Variants in CATSPERD observed in about 807,000 individuals in gnomAD.
The protein encoded by CATSPERD is cation channel sperm-associated auxiliary subunit delta.
A neutral mutation model predicts 98.1 loss-of-function variants in CATSPERD; 86 were observed. The ratio of observed to expected loss-of-function variants is 0.88; its 90% CI spans 0.74 to 1.05. CATSPERD has a LOEUF of 1.05. Among genes scored for constraint, CATSPERD ranks in the 50% least tolerant of loss-of-function variants. CATSPERD has a pLI of 0.00. For missense variants in CATSPERD, 995 were observed against 1,005.7 expected (o/e 0.99, Z 0.14); for synonymous variants, 394 against 390.2 (o/e 1.01, Z -0.12).
rs200693079 is a variant in CATSPERD at position 5,751,650 on chromosome 19, G to A, written c.991G>A (p.Ala331Thr). 13 of 1,531,914 alleles carry A rather than the reference G, an allele frequency of 8.5e-6. No individual in the cohort carries two copies. The highest frequency in any genetic ancestry group is 1.1e-5 in the Non-Finnish European group (13 of 1,133,780). 94.9% of individuals were successfully genotyped at this position (1,531,914 alleles called of 1,614,324 possible). The part of the protein sequence containing the change: ...GIVPSSIIKF[A>T]DQYIWSEDVA... ...TCAGGAATCATTTTCTTCTTAGTTT[G>A]CAGACCAATACATCTGGTCAGAAGA... is the stretch of plus-strand genomic sequence containing the variant. The change falls in exon 12 of 22, where the codon GCA becomes ACA. Residue 331 changes from alanine to threonine, a missense_variant. By Grantham distance (58) the Ala-to-Thr change is moderately conservative. Transcript: ENST00000381624.
intron 17 of CATSPERD, among the ~76,000 whole-genome samples, chr19:5,766,846 C>A (rs1425587999): frequency 6.6e-6 from 1 of 151,558 alleles, no homozygotes; most frequent in African/African-American, 2.4e-5. Context: ...GCGCCCGCTA[C>A]CATGCCTGGC....
At position 5,720,700 on chromosome 19, in the gene CATSPERD, C is replaced by T; in HGVS notation, c.-38C>T. On this transcript the variant is annotated 5_prime_UTR_variant, in exon 1 of 22. Coordinates refer to ENST00000381624, the MANE Select transcript of CATSPERD (RefSeq NM_152784.4). ...CGGATTGTGCAGCGACTCCCCGTGG[C>T]GGTTGAGGGGCAGTGGTGGCGGCGG... 1 of 1,591,692 alleles carries T rather than the reference C, an allele frequency of 6.3e-7. No individual in the cohort carries two copies. The highest frequency in any genetic ancestry group is 8.6e-7 in the Non-Finnish European group (1 of 1,169,484).
rs2056313741 is a variant in CATSPERD at position 5,755,780 on chromosome 19, T to G, written c.1278+1535T>G. Among the ~76,000 whole-genome samples, 5 of 147,330 alleles carry G rather than the reference T, an allele frequency of 3.4e-5. No homozygotes were observed. The East Asian group carries it at 1.0e-3, about 30-fold the overall frequency. On this transcript the variant is annotated intron_variant, in intron 13 of 21. Transcript: ENST00000381624. ...AAGAGCGAGACTCTGTCTCAATAAA[T>G]AAATAAATAAATAAATAAAAATAAA...
chr19:5,722,472 A>G (rs968609175), intron 1 of CATSPERD, among the ~76,000 whole-genome samples: 2 of 152,160 alleles, frequency 1.3e-5, no homozygotes, highest in Admixed American at 6.6e-5. Flanking sequence ...TTAAAGACAC[A>G]CTTGCCTAAC....
At chr19:5,723,343 G>A (rs1207254025) in intron 1 of CATSPERD, among the ~76,000 whole-genome samples, 2 of 150,468 alleles carry the variant, frequency 1.3e-5, no homozygotes, top group African/African-American at 4.9e-5. Context: ...AGTGCAGTGT[G>A]GCAAGAGCTC....
At chr19:5,742,434 A>C (rs1019901308) in intron 7 of CATSPERD, among the ~76,000 whole-genome samples, 5 of 152,134 alleles carry the variant, frequency 3.3e-5, no homozygotes, top group African/African-American at 1.2e-4. Context: ...AGAATAGTTG[A>C]GCTCTCAGCA....
chr19:5,760,759 CG>C lies in CATSPERD; in HGVS notation c.1427+1617del, dbSNP rs367780518. ...ATGGAAAATTTGGGGCCCGGTGTGACGGCTCACGCCTATAATCACAGCAACT... is the reference window on the plus strand; with the variant it reads ...ATGGAAAATTTGGGGCCCGGTGTGACGCTCACGCCTATAATCACAGCAACT... On this transcript the variant is annotated intron_variant, in intron 15 of 21. Coordinates refer to ENST00000381624, the MANE Select transcript of CATSPERD (RefSeq NM_152784.4). 1.9e-3 allele frequency among the ~76,000 whole-genome samples: 286 copies of C among 152,042 alleles called. 1 individual carries two copies. Among genetic ancestry groups the C allele is most frequent in the African/African-American group, 6.2e-3 (257 of 41,514 alleles).
Position 5,748,308 on chromosome 19 carries a change from C to T in CATSPERD, c.904+53C>T, listed in dbSNP as rs2056135271. ...GAAATATTTAGACCTGGCTTATTAA[C>T]CGTAGGCCTGCCAGACCCAACCCAG... On this transcript the variant is annotated intron_variant, in intron 10 of 21. Coordinates refer to ENST00000381624, the MANE Select transcript of CATSPERD (RefSeq NM_152784.4). 8.5e-6 allele frequency: 13 copies of T among 1,536,888 alleles called. No homozygotes were observed. The South Asian group carries it at 1.3e-4, about 16-fold the overall frequency.
Position 5,737,817 on chromosome 19 carries a change from T to G in CATSPERD, c.459+612T>G, listed in dbSNP as rs1014557915. Among the ~76,000 whole-genome samples the G allele has an allele frequency of 3.5e-5, 5 of 143,922 alleles. No homozygotes were observed. In the South Asian group the frequency reaches 1.1e-3, roughly 32 times the overall value. The allele number at this position is 143,922 out of a possible 152,430, so 94.4% of individuals were successfully genotyped here. A position where few individuals can be genotyped will look rare whatever the true frequency, so the allele number is the denominator to read the frequency against. ...GCGAGCTGAGATTGCACCATTGCAC[T>G]CCAGCCTGGGCAACAAGAGTGAAAC... On this transcript the variant is annotated intron_variant, in intron 6 of 21. Coordinates refer to ENST00000381624, the MANE Select transcript of CATSPERD (RefSeq NM_152784.4).
chr19:5,758,764 A>G (rs1201751142), intron 14 of CATSPERD, among the ~76,000 whole-genome samples: 1 of 151,232 alleles, frequency 6.6e-6, no homozygotes, highest in Non-Finnish European at 1.5e-5. Context: ...AGAAGAAAAA[A>G]AAGGCAAACA....
intron 16 of CATSPERD, among the ~76,000 whole-genome samples, chr19:5,763,974 G>A (rs907536860): frequency 4.1e-5 from 6 of 147,948 alleles, no homozygotes; most frequent in South Asian, 4.3e-4. Context: ...TCAGCCTCCC[G>A]AGTAGCGGGG....
intron 12 of CATSPERD, 117 bp from the exon 13 acceptor site, chr19:5,754,015 C>A (rs2056275783): frequency 1.4e-6 from 1 of 714,402 alleles, no homozygotes. Context: ...AAGACAGAGG[C>A]ACAAGTGGAG....
At chr19:5,755,104 A>C (rs985633184) in intron 13 of CATSPERD, among the ~76,000 whole-genome samples, 1 of 151,924 alleles carries the variant, frequency 6.6e-6, no homozygotes, top group African/African-American at 2.4e-5. Flanking sequence ...TCGGACTCCC[A>C]AAGTGCTGGG....
chr19:5,758,002 A>G, intron 14 of CATSPERD, 70 bp downstream of exon 14: 2 of 1,352,980 alleles, frequency 1.5e-6, no homozygotes, highest in African/African-American at 1.5e-5. Context: ...TTCCCTTATC[A>G]GCATAAAAAT....
chr19:5,743,541 G>A (rs1406247544), intron 7 of CATSPERD, among the ~76,000 whole-genome samples: 1 of 151,494 alleles, frequency 6.6e-6, no homozygotes, highest in African/African-American at 2.4e-5. Context: ...AGAGGTTGCA[G>A]TGAGCCGAGG....
In CATSPERD at chr19:5,776,179, G is replaced by A. The variant is rs775876024; in HGVS notation, c.1960G>A (p.Asp654Asn). ...CCCACAGAACTATGTGAGCTGCCAC[G>A]ACCCCAACAACAATGCCCCTTTGAG... ...WNRENYVSCHDPNNNAPLRWP... is the reference protein window; with the variant it reads ...WNRENYVSCHNPNNNAPLRWP... Residue 654 changes from aspartate to asparagine, a missense_variant, in exon 21 of 22, where the codon GAC becomes AAC. Physicochemically the swap from Asp to Asn is conservative, Grantham distance 23. Around this residue, in one of 3 missense-constraint regions of CATSPERD, gnomAD observed 762 missense variants for 773.7 expected, o/e 0.98. Coordinates refer to ENST00000381624, the MANE Select transcript of CATSPERD (RefSeq NM_152784.4). 33 of 1,614,048 alleles carry A rather than the reference G, an allele frequency of 2.0e-5. No individual in the cohort carries two copies. In the East Asian group the frequency reaches 2.2e-4, roughly 11 times the overall value.
In CATSPERD at chr19:5,740,757, C is replaced by T. The variant is rs1488019984; in HGVS notation, c.573+1318C>T. 4.6e-5 allele frequency among the ~76,000 whole-genome samples: 6 copies of T among 131,560 alleles called. No homozygotes were observed. In the South Asian group the frequency reaches 1.0e-3, roughly 22 times the overall value. The allele number at this position is 131,560 out of a possible 152,430, so 86.3% of individuals were successfully genotyped here. A position where few individuals can be genotyped will look rare whatever the true frequency, so the allele number is the denominator to read the frequency against. ...TCCAGCCTGGGCAACAGAGAAACTC[C>T]GTCTCAAAAAAAAAAAAAAAAAAAA... On this transcript the variant is annotated intron_variant, in intron 7 of 21. Coordinates refer to ENST00000381624, the MANE Select transcript of CATSPERD (RefSeq NM_152784.4).
intron 13 of CATSPERD, 148 bp downstream of exon 13, chr19:5,754,393 C>CTTTTTTT (rs749080620): frequency 5.6e-5 from 13 of 230,520 alleles, no homozygotes; most frequent in Non-Finnish European, 8.8e-5. Context: ...GTCTCTGTGT[C>CTTTTTTT]TTTTTTTTTT....
At chr19:5,747,610 CTTTTTTTT>C (rs10603074) in intron 9 of CATSPERD, among the ~76,000 whole-genome samples, 1 of 87,656 alleles carries the variant, frequency 1.1e-5, no homozygotes, top group Non-Finnish European at 2.3e-5. Context: ...TTTTTCTTTT[CTTTTTTTT>C]TTTTTTTTTT....
Sources: allele counts gnomAD v4.1 joint callset (sites outside exome capture counted in the v4.1 genomes callset), GRCh38; gene constraint gnomAD v4.1.1; regional missense constraint gnomAD v4.1.1; transcripts MANE v1.5; gene names NCBI Gene and HGNC (gene_info 2026-07-23, HGNC 2026-07-21).